Variants in ZNF827 observed in about 807,000 individuals in gnomAD.
ZNF827 encodes zinc finger protein 827.
Under a neutral mutation model 102.4 loss-of-function variants are expected in ZNF827, and 13 were observed. The observed-to-expected ratio is 0.13, with a 90% CI of 0.08 to 0.20. ZNF827 has a LOEUF of 0.20. Among genes scored for constraint, ZNF827 ranks in the 10% least tolerant of loss-of-function variants. ZNF827 has a pLI of 1.00. For missense variants in ZNF827, 1,103 were observed against 1,344.4 expected (o/e 0.82, Z 2.81); for synonymous variants, 523 against 536.2 (o/e 0.98, Z 0.34).
chr4:145,903,357 T>C (rs1751584398), intron 1 of ZNF827, 142 bp from the exon 2 acceptor site: 1 of 1,419,970 alleles, frequency 7.0e-7, no homozygotes, highest in Admixed American at 2.8e-5. Context: ...CTTAACAGAA[T>C]GTCAGACAGA....
intron 7 of ZNF827, among the ~76,000 whole-genome samples, chr4:145,828,966 T>C (rs758640044): frequency 3.3e-4 from 50 of 152,198 alleles, no homozygotes; most frequent in Non-Finnish European, 6.6e-4. Flanking sequence ...AGAAGGCTCA[T>C]CTACTTAAAA....
At chr4:145,938,284 A>G (rs961949189) in intron 1 of ZNF827, 81 bp downstream of exon 1, 2 of 1,550,302 alleles carry the variant, frequency 1.3e-6, no homozygotes, top group Middle Eastern at 1.7e-4. Flanking sequence ...TGCAGAAAAC[A>G]ACGGAGGAGG....
intron 1 of ZNF827, among the ~76,000 whole-genome samples, chr4:145,912,789 G>A (rs1386551099): frequency 6.6e-6 from 1 of 152,226 alleles, no homozygotes; most frequent in African/African-American, 2.4e-5. Context: ...GAGTGGCCTT[G>A]TGGACACCTT....
chr4:145,902,981 T>C lies in ZNF827; in HGVS notation c.278A>G (p.Asp93Gly), dbSNP rs772542553. 3.1e-6 allele frequency: 5 copies of C among 1,613,914 alleles called. No homozygotes were observed. The highest frequency in any genetic ancestry group is 4.2e-6 in the Non-Finnish European group (5 of 1,180,004). Residue 93 changes from aspartate to glycine, a missense_variant, in exon 2 of 15, where the codon GAC becomes GGC. By Grantham distance (94) the Asp-to-Gly change is moderately conservative. Transcript: ENST00000508784. The surrounding 1 kb of genome is among the most constrained non-coding windows in gnomAD (Gnocchi z 4.3). Reference protein sequence around the residue: ...LVALDSEVLRDSLQCQDHLSP... With the variant: ...LVALDSEVLRGSLQCQDHLSP... ...AAGGTGATCTTGACACTGCAGTGAG[T>C]CTCGCAGGACCTCACTGTCCAGTGC... is the stretch of plus-strand genomic sequence containing the variant.
intron 7 of ZNF827, among the ~76,000 whole-genome samples, chr4:145,842,385 T>C (rs1291033118): frequency 6.6e-6 from 1 of 152,200 alleles, no homozygotes; most frequent in Non-Finnish European, 1.5e-5. Flanking sequence ...CACACATCCG[T>C]GGACTTCGTG....
At chr4:145,891,934 G>T (rs943532267) in intron 3 of ZNF827, among the ~76,000 whole-genome samples, 27 of 152,222 alleles carry the variant, frequency 1.8e-4, no homozygotes, top group African/African-American at 6.5e-4. Flanking sequence ...CCCTGCCTCT[G>T]AGTGCCCCAA....
chr4:145,850,218 C>T (rs1352828555), intron 5 of ZNF827, among the ~76,000 whole-genome samples: 1 of 152,084 alleles, frequency 6.6e-6, no homozygotes, highest in African/African-American at 2.4e-5. Context: ...CCATGTTGAC[C>T]AGGCTGGTCT....
chr4:145,830,951 A>G (rs1744148970), intron 7 of ZNF827: 1 of 152,250 alleles, frequency 6.6e-6, no homozygotes, highest in African/African-American at 2.4e-5. Context: ...GTGCCCAGAT[A>G]TTAACATGTT....
chr4:145,938,622 C>CTTT lies in ZNF827; in HGVS notation c.-218_-216dup, dbSNP rs370427705. The CTTT allele has an allele frequency of 2.4e-4, 99 of 421,172 alleles. No homozygotes were observed. Among genetic ancestry groups the CTTT allele is most frequent in the Non-Finnish European group, 3.4e-4 (80 of 234,702 alleles). The allele number at this position is 421,172 out of a possible 1,614,324, so 26.1% of individuals were successfully genotyped here. On this transcript the variant is annotated 5_prime_UTR_variant, in exon 1 of 15. Coordinates refer to ENST00000508784, the MANE Select transcript of ZNF827 (RefSeq NM_001306215.2). ...CTTCTTTTCTTTCCTTTCTTTTTTC[C>CTTT]TTTTTTTTTTTTTTTTAAATTTTTG...
chr4:145,868,748 C>A (rs1748424974), intron 5 of ZNF827, among the ~76,000 whole-genome samples: 1 of 152,188 alleles, frequency 6.6e-6, no homozygotes, highest in African/African-American at 2.4e-5. Flanking sequence ...GCTTACAACA[C>A]CTGCTGCACA....
At chr4:145,833,188 A>G (rs1360849671) in intron 7 of ZNF827, 3 of 171,966 alleles carry the variant, frequency 1.7e-5, no homozygotes, top group South Asian at 2.2e-4. Context: ...CTCTTCTCCA[A>G]CCTCCCTCAC....
intron 7 of ZNF827, among the ~76,000 whole-genome samples, chr4:145,842,945 A>G (rs551566696): frequency 5.9e-5 from 9 of 152,210 alleles, no homozygotes; most frequent in Non-Finnish European, 1.3e-4. Context: ...CAGAGGTTTG[A>G]TGTAAATCTT....
chr4:145,835,185 C>G (rs1257682741), intron 7 of ZNF827: 1 of 152,246 alleles, frequency 6.6e-6, no homozygotes, highest in East Asian at 1.9e-4. Context: ...TGACTGACTC[C>G]TTCCCAGATC....
chr4:145,913,941 C>T (rs1478289354), intron 1 of ZNF827, among the ~76,000 whole-genome samples: 1 of 151,832 alleles, frequency 6.6e-6, no homozygotes, highest in Non-Finnish European at 1.5e-5. Context: ...AAATGAACAC[C>T]CCCAATAGCC....
chr4:145,810,212 T>C (rs1398739946), intron 8 of ZNF827, among the ~76,000 whole-genome samples: 1 of 152,238 alleles, frequency 6.6e-6, no homozygotes. Flanking sequence ...ACCTGCTTTA[T>C]AGTTTCACAA....
At chr4:145,928,006 G>A (rs1753556454) in intron 1 of ZNF827, among the ~76,000 whole-genome samples, 1 of 152,202 alleles carries the variant, frequency 6.6e-6, no homozygotes. Context: ...GGAGAAGACT[G>A]CAGTCTGTGT....
chr4:145,837,078 C>T (rs1178364189), intron 7 of ZNF827, among the ~76,000 whole-genome samples: 3 of 152,200 alleles, frequency 2.0e-5, no homozygotes, highest in Non-Finnish European at 4.4e-5. Context: ...GAGAAGGCCA[C>T]CGCAGTCATT....
intron 4 of ZNF827, among the ~76,000 whole-genome samples, chr4:145,877,216 C>A (rs773136316): frequency 6.6e-6 from 1 of 152,146 alleles, no homozygotes; most frequent in Non-Finnish European, 1.5e-5. Flanking sequence ...AATGATAGAA[C>A]CAGAATCAGA....
intron 7 of ZNF827, among the ~76,000 whole-genome samples, chr4:145,824,604 G>A (rs1391335860): frequency 6.6e-6 from 1 of 152,152 alleles, no homozygotes; most frequent in Non-Finnish European, 1.5e-5. Flanking sequence ...GAGACAGAGA[G>A]GGAGTGGTAG....
Sources: allele counts gnomAD v4.1 joint callset (sites outside exome capture counted in the v4.1 genomes callset), GRCh38; gene constraint gnomAD v4.1.1; non-coding constraint Gnocchi (gnomAD v3.1); transcripts MANE v1.5; gene names NCBI Gene and HGNC (gene_info 2026-07-23, HGNC 2026-07-21).